Variants in ZMAT5 observed in about 807,000 individuals in gnomAD.
ZMAT5 encodes zinc finger matrin-type 5.
ZMAT5 carries 23 observed loss-of-function variants against 28.0 expected under a neutral mutation model. That is an observed-to-expected ratio of 0.82 (90% CI 0.59 to 1.16). The LOEUF is 1.16. Among genes scored for constraint, ZMAT5 ranks in the 50% most tolerant of loss-of-function variants. The pLI is 0.00. For synonymous variants in ZMAT5, 76 were observed against 84.1 expected, an observed-to-expected ratio of 0.90 and a Z score of 0.52; for missense variants, 173 against 212.7, an observed-to-expected ratio of 0.81 and a Z score of 1.16.
chr22:29,765,405 ACT>A (rs1787268270), intron 1 of ZMAT5, among the ~76,000 whole-genome samples: 2 of 150,628 alleles, frequency 1.3e-5, no homozygotes. Flanking sequence ...ACAGAGTGAG[ACT>A]CTGTCTCAAA....
intron 1 of ZMAT5, among the ~76,000 whole-genome samples, chr22:29,760,051 A>C (rs948658832): frequency 1.3e-5 from 2 of 152,132 alleles, no homozygotes; most frequent in African/African-American, 4.8e-5. Flanking sequence ...AATACAAAAA[A>C]TTAGCTGGGA....
chr22:29,748,312 C>G (rs549194478), intron 2 of ZMAT5, 106 bp downstream of exon 2: 1 of 1,558,864 alleles, frequency 6.4e-7, no homozygotes. Context: ...TTTTGATCCT[C>G]AAAGAGCCCA....
rs547290602 is a variant in ZMAT5 at position 29,746,060 on chromosome 22, C to T, written c.127+2358G>A. On this transcript the variant is annotated intron_variant, in intron 2 of 5. Coordinates refer to ENST00000344318, the MANE Select transcript of ZMAT5 (RefSeq NM_001003692.2). The stretch of plus-strand genomic sequence containing the variant: ...CAATCTCGGCTCACTGCAGCCTCCA[C>T]CTCTTGGGGTCAAGTGATCCTCCTA... The T allele has an allele frequency of 3.3e-5, 5 of 152,348 alleles. No individual in the cohort carries two copies. The East Asian group carries it at 7.7e-4, about 24-fold the overall frequency. The allele number at this position is 152,348 out of a possible 1,614,324, so 9.4% of individuals were successfully genotyped here.
Position 29,748,498 on chromosome 22 carries a change from T to C in ZMAT5, c.47A>G (p.Asp16Gly). The C allele has an allele frequency of 1.2e-6, 2 of 1,614,242 alleles. No individual in the cohort carries two copies. Among genetic ancestry groups the C allele is most frequent in the South Asian group, 2.2e-5 (2 of 91,088 alleles). Residue 16 changes from aspartate (D) to glycine (G), a missense_variant, in exon 2 of 6, where the codon GAC becomes GGC. Asp to Gly is a moderately conservative substitution (Grantham distance 94). Transcript: ENST00000344318. ...GTGCTTCTTGCGGTTGTGGAGGTTG[T>C]CCTGGAAGGAGCGGTCGCAGTAGTC... ...FCDYCDRSFQ[D>G]NLHNRKKHLN...
At chr22:29,761,560 T>G (rs1413339497) in intron 1 of ZMAT5, among the ~76,000 whole-genome samples, 10 of 152,018 alleles carry the variant, frequency 6.6e-5, no homozygotes, top group Non-Finnish European at 1.0e-4. Context: ...ACCACTGCAC[T>G]CCAGCCTGGG....
At position 29,731,254 on chromosome 22, in the gene ZMAT5, G is replaced by A; in HGVS notation, c.484C>T (p.Pro162Ser). ...SLRAPPPGGW[P>S]LQPRVQWG ...CCCCACTGGACTCTGGGCTGCAGAG[G>A]CCACCCCCCAGGTGGGGGTGCCCGC... is the stretch of plus-strand genomic sequence containing the variant. Residue 162 changes from proline to serine, a missense_variant, in exon 6 of 6, where the codon CCT (proline) becomes TCT (serine). Pro to Ser is a moderately conservative substitution (Grantham distance 74, BLOSUM62 -1). Transcript: ENST00000344318. 4 of 1,514,148 alleles carry A rather than the reference G, an allele frequency of 2.6e-6. No individual in the cohort carries two copies. The highest frequency in any genetic ancestry group is 3.5e-6 in the Non-Finnish European group (4 of 1,144,764). 93.8% of individuals were successfully genotyped at this position (1,514,148 alleles called of 1,614,324 possible).
intron 1 of ZMAT5, among the ~76,000 whole-genome samples, chr22:29,759,294 T>C (rs1334400930): frequency 6.6e-6 from 1 of 152,112 alleles, no homozygotes; most frequent in East Asian, 1.9e-4. Context: ...GCACCAAATA[T>C]CATCTGATCC....
chr22:29,742,357 A>G, intron 3 of ZMAT5, 61 bp downstream of exon 3: 9 of 1,562,106 alleles, frequency 5.8e-6, no homozygotes, highest in Non-Finnish European at 7.0e-6. Flanking sequence ...CAGAGGTCCA[A>G]GTGGGGCAGG....
At chr22:29,738,247 A>G (rs2147218124) in intron 5 of ZMAT5, 83 bp downstream of exon 5, 1 of 1,310,318 alleles carries the variant, frequency 7.6e-7, no homozygotes, top group African/African-American at 1.5e-5. Context: ...GTTCATGGAG[A>G]TTCCTGAGCC....
chr22:29,745,211 G>A (rs1034404499), intron 2 of ZMAT5, among the ~76,000 whole-genome samples: 4 of 152,198 alleles, frequency 2.6e-5, no homozygotes, highest in Admixed American at 6.5e-5. Context: ...CGGGGAGGAC[G>A]TCCCTGAGGA....
intron 1 of ZMAT5, among the ~76,000 whole-genome samples, chr22:29,763,231 T>C (rs2068174567): frequency 6.6e-6 from 1 of 151,414 alleles, no homozygotes; most frequent in Non-Finnish European, 1.5e-5. Flanking sequence ...AGGCAGAGGT[T>C]GCAGTGAGCT....
intron 5 of ZMAT5, chr22:29,731,564 A>G: frequency 1.8e-6 from 1 of 551,448 alleles, no homozygotes; most frequent in South Asian, 2.6e-5. Context: ...GCGGGGTTGC[A>G]GGCAGACATT....
intron 1 of ZMAT5, among the ~76,000 whole-genome samples, chr22:29,761,059 G>A (rs2068152238): frequency 6.9e-6 from 1 of 144,502 alleles, no homozygotes; most frequent in African/African-American, 2.6e-5. Context: ...CGGATGACAA[G>A]GTCAAGAGAT....
intron 5 of ZMAT5, among the ~76,000 whole-genome samples, chr22:29,736,042 A>G (rs2067900942): frequency 6.6e-6 from 1 of 152,190 alleles, no homozygotes; most frequent in South Asian, 2.1e-4. Context: ...ATGGACCCAG[A>G]GCAGGGAGGC....
chr22:29,760,478 G>A (rs1192583408), intron 1 of ZMAT5, among the ~76,000 whole-genome samples: 1 of 152,058 alleles, frequency 6.6e-6, no homozygotes, highest in African/African-American at 2.4e-5. Flanking sequence ...GGTGAAGGTT[G>A]CAGTGAGCCC....
chr22:29,757,543 G>A (rs1355802976), intron 1 of ZMAT5, among the ~76,000 whole-genome samples: 1 of 152,198 alleles, frequency 6.6e-6, no homozygotes, highest in Non-Finnish European at 1.5e-5. Context: ...ACAGTGCCTG[G>A]CACGCCAATG....
chr22:29,741,560 G>A (rs2067962982), intron 3 of ZMAT5, among the ~76,000 whole-genome samples: 1 of 152,188 alleles, frequency 6.6e-6, no homozygotes, highest in African/African-American at 2.4e-5. Context: ...CAAGCATGGA[G>A]GAGACTATTC....
chr22:29,731,419 A>G, intron 5 of ZMAT5, 65 bp from the exon 6 acceptor site: 2 of 1,508,684 alleles, frequency 1.3e-6, no homozygotes, highest in Non-Finnish European at 1.7e-6. Context: ...TGCCACCCCC[A>G]GCCCACCTGC....
At chr22:29,739,305 C>T (rs2067938992) in intron 4 of ZMAT5, among the ~76,000 whole-genome samples, 1 of 152,138 alleles carries the variant, frequency 6.6e-6, no homozygotes. Flanking sequence ...GAGTCTTGGG[C>T]CAGAGGAAAG....
Sources: allele counts gnomAD v4.1 joint callset (sites outside exome capture counted in the v4.1 genomes callset), GRCh38; gene constraint gnomAD v4.1.1; transcripts MANE v1.5; gene names NCBI Gene and HGNC (gene_info 2026-07-23, HGNC 2026-07-21).